Variants in PTPRD observed in about 807,000 individuals in gnomAD.
The protein encoded by PTPRD is protein tyrosine phosphatase receptor type D.
A neutral mutation model predicts 214.5 loss-of-function variants in PTPRD; 34 were observed. That is an observed-to-expected ratio of 0.16 (90% CI 0.12 to 0.21). The LOEUF (loss-of-function observed/expected upper bound fraction) is 0.21. PTPRD is among the 10% of genes least tolerant of loss of function. The probability of loss-of-function intolerance (pLI) is 1.00; values close to 1 mark genes in which losing one functional copy is unlikely to be tolerated. For missense variants in PTPRD, 2,545 were observed against 2,398.7 expected (o/e 1.06, Z -1.27); for synonymous variants, 1,128 against 845.7 (o/e 1.33, Z -5.79).
chr9:8,872,771 A>G (rs12555283), intron 11 of PTPRD, among the ~76,000 whole-genome samples: 23,544 of 152,270 alleles, frequency 0.15, 2,299 homozygotes, highest in South Asian at 0.26. Flanking sequence ...CAGAAAGAAC[A>G]AATTTTTCAG....
At chr9:9,451,171 A>C (rs1407954574) in intron 8 of PTPRD, among the ~76,000 whole-genome samples, 1 of 151,798 alleles carries the variant, frequency 6.6e-6, no homozygotes, top group African/African-American at 2.4e-5. Context: ...TATAAGGTGC[A>C]ATACACAGAA....
intron 9 of PTPRD, among the ~76,000 whole-genome samples, chr9:9,392,139 T>C (rs1454975978): frequency 2.0e-5 from 3 of 152,140 alleles, no homozygotes; most frequent in Non-Finnish European, 4.4e-5. Context: ...TTCATTATGG[T>C]CTTGCTGGAC....
At chr9:8,629,794 TCTC>T (rs1231456883) in intron 14 of PTPRD, among the ~76,000 whole-genome samples, 2 of 151,706 alleles carry the variant, frequency 1.3e-5, no homozygotes, top group African/African-American at 4.8e-5. Context: ...ACCTCCCCCC[TCTC>T]CTACTTCTTT....
intron 5 of PTPRD, among the ~76,000 whole-genome samples, chr9:9,838,137 T>A (rs1419337640): frequency 2.6e-5 from 4 of 152,154 alleles, no homozygotes; most frequent in East Asian, 1.9e-4. Context: ...CATGGTGTAT[T>A]TGTGCCACAT....
chr9:8,651,402 C>T (rs2096804700), intron 12 of PTPRD, among the ~76,000 whole-genome samples: 1 of 152,104 alleles, frequency 6.6e-6, no homozygotes, highest in African/African-American at 2.4e-5. Context: ...CTAACTCTGT[C>T]CACACAGAGA....
intron 4 of PTPRD, among the ~76,000 whole-genome samples, chr9:9,977,943 T>C (rs1225300791): frequency 6.6e-6 from 1 of 152,076 alleles, no homozygotes; most frequent in Non-Finnish European, 1.5e-5. Context: ...AAAAAAAAGT[T>C]ATGTGCTTTT....
chr9:9,405,621 G>A lies in PTPRD; in HGVS notation c.-236-8139C>T, dbSNP rs1003709708. On this transcript the variant is annotated intron_variant, in intron 8 of 45. Transcript: ENST00000381196. ...TTGTGCTTTAGCTAAGTTATAGTTC[G>A]GGTTTGTGCTCTGTTAGATTATTCT... is the stretch of plus-strand genomic sequence containing the variant. Among the ~76,000 whole-genome samples, 10 of 152,072 alleles carry A rather than the reference G, an allele frequency of 6.6e-5. No homozygotes were observed. The East Asian group carries it at 1.9e-3, about 29-fold the overall frequency.
At chr9:9,310,232 G>A (rs1205670473) in intron 9 of PTPRD, among the ~76,000 whole-genome samples, 5 of 152,058 alleles carry the variant, frequency 3.3e-5, no homozygotes, top group African/African-American at 1.2e-4. Flanking sequence ...AAAGCATTTG[G>A]GGATTTAATG....
intron 8 of PTPRD, among the ~76,000 whole-genome samples, chr9:9,455,545 G>A (rs1446616752): frequency 6.6e-6 from 1 of 151,412 alleles, no homozygotes; most frequent in Non-Finnish European, 1.5e-5. Flanking sequence ...ACTTTTACAA[G>A]GCCCCCAAAA....
Position 9,536,911 on chromosome 9 carries a change from T to C in PTPRD, c.-237+37821A>G, listed in dbSNP as rs117006053. Among the ~76,000 whole-genome samples, 16 of 151,864 alleles carry C rather than the reference T, an allele frequency of 1.1e-4. No individual in the cohort carries two copies. In the East Asian group the frequency reaches 2.9e-3, roughly 28 times the overall value. ...TTTCAACGACAGTTATGGAAGTGAG[T>C]GGAAAGGGTAGTGTAGTGTAGAGTA... is the stretch of plus-strand genomic sequence containing the variant. On this transcript the variant is annotated intron_variant, in intron 8 of 45. Coordinates refer to ENST00000381196, the MANE Select transcript of PTPRD (RefSeq NM_002839.4).
chr9:9,315,703 G>C (rs1165100180), intron 9 of PTPRD, among the ~76,000 whole-genome samples: 3 of 151,298 alleles, frequency 2.0e-5, no homozygotes, highest in Non-Finnish European at 3.0e-5. Context: ...TTCCTTGCCA[G>C]TACATAACCG....
chr9:10,186,903 A>C (rs1419515626), intron 3 of PTPRD, among the ~76,000 whole-genome samples: 1 of 152,154 alleles, frequency 6.6e-6, no homozygotes, highest in Non-Finnish European at 1.5e-5. Flanking sequence ...CATGTTGTTG[A>C]TATATTTAGA....
intron 3 of PTPRD, among the ~76,000 whole-genome samples, chr9:10,134,435 G>C (rs1301020492): frequency 6.6e-6 from 1 of 152,248 alleles, no homozygotes; most frequent in East Asian, 1.9e-4. Flanking sequence ...TGCTGCAAAT[G>C]TGTTAAAATA....
At chr9:10,339,231 A>G (rs1432465667) in intron 3 of PTPRD, among the ~76,000 whole-genome samples, 1 of 151,828 alleles carries the variant, frequency 6.6e-6, no homozygotes, top group Non-Finnish European at 1.5e-5. Flanking sequence ...ACTTTCTTCT[A>G]TAAGTGTTAC....
At chr9:10,093,306 T>G (rs997984554) in intron 3 of PTPRD, among the ~76,000 whole-genome samples, 1 of 151,484 alleles carries the variant, frequency 6.6e-6, no homozygotes, top group Non-Finnish European at 1.5e-5. Flanking sequence ...ACACATTTCA[T>G]AAGATGACAT....
intron 11 of PTPRD, among the ~76,000 whole-genome samples, chr9:8,921,636 G>T (rs2098828639): frequency 6.6e-6 from 1 of 151,994 alleles, no homozygotes; most frequent in Non-Finnish European, 1.5e-5. Context: ...TGGGATTACA[G>T]GTGTGTGCCA....
chr9:9,240,541 C>T (rs1013207832), intron 9 of PTPRD, among the ~76,000 whole-genome samples: 1 of 151,996 alleles, frequency 6.6e-6, no homozygotes, highest in African/African-American at 2.4e-5. Context: ...CATGGTGGCA[C>T]GTGCCTGTCA....
intron 6 of PTPRD, 38 bp from the exon 7 acceptor site, chr9:9,734,609 G>C (rs1262786928): frequency 1.3e-5 from 2 of 152,010 alleles, no homozygotes; most frequent in African/African-American, 4.8e-5. Context: ...CAGAAAATAA[G>C]AGTTTTTGTT....
At chr9:8,554,166 C>T (rs936925882) in intron 14 of PTPRD, among the ~76,000 whole-genome samples, 5 of 152,040 alleles carry the variant, frequency 3.3e-5, no homozygotes, top group Admixed American at 2.6e-4. Flanking sequence ...CCAGCCTAAA[C>T]GACAGGGCAA....
Sources: allele counts gnomAD v4.1 joint callset (sites outside exome capture counted in the v4.1 genomes callset), GRCh38; gene constraint gnomAD v4.1.1; transcripts MANE v1.5; gene names NCBI Gene and HGNC (gene_info 2026-07-23, HGNC 2026-07-21).